The following CFAP47 variants were observed in gnomAD, a reference collection of about 807,000 sequenced individuals.
CFAP47 encodes the protein cilia and flagella associated protein 47.
Under a neutral mutation model 148.1 loss-of-function variants are expected in CFAP47, and 29 were observed. The observed-to-expected ratio is 0.20, with a 90% CI of 0.15 to 0.27. The LOEUF (loss-of-function observed/expected upper bound fraction) is 0.27, where lower values mean the gene tolerates loss of function less well. CFAP47 is among the 10% of genes least tolerant of loss of function. CFAP47 has a pLI of 1.00. For missense variants in CFAP47, 1,872 were observed against 1,697.5 expected, an observed-to-expected ratio of 1.10 and a Z score of -1.81; for synonymous variants, 664 against 577.3, an observed-to-expected ratio of 1.15 and a Z score of -2.15.
rs1569239441 is a variant in CFAP47 at position 36,038,989 on chromosome X, C to T, written c.3817C>T (p.Pro1273Ser). 3.7e-6 allele frequency: 4 copies of T among 1,070,492 alleles called. No homozygotes were observed. The East Asian group carries it at 1.4e-4, about 38-fold the overall frequency. 88.2% of individuals were successfully genotyped at this position (1,070,492 alleles called of 1,213,427 possible). Reference sequence around the variant, plus strand: ...TAAAATTTGTTTTTCATTAGATCGTCCTGGGACATACACAGCAGATATTCC... The same window carrying T: ...TAAAATTTGTTTTTCATTAGATCGTTCTGGGACATACACAGCAGATATTCC... ...NVSISFCPNR[P>S]GTYTADIPML... is the part of the protein sequence containing the mutation. The change falls in exon 25 of 64, where the codon CCT (proline) becomes TCT (serine). Residue 1273 changes from proline (P) to serine (S), a missense_variant. By Grantham distance (74) the Pro-to-Ser change is moderately conservative (BLOSUM62 -1). Coordinates refer to ENST00000378653, the MANE Select transcript of CFAP47 (RefSeq NM_001304548.2).
chrX:36,264,173 C>T (rs1940862841), intron 49 of CFAP47, among the ~76,000 whole-genome samples: 1 of 111,609 alleles, frequency 9.0e-6, no homozygotes, highest in South Asian at 3.8e-4. Flanking sequence ...CCTCTCCTTT[C>T]CTCAAGGGGA....
At chrX:36,139,314 T>C (rs1939100257) in intron 35 of CFAP47, among the ~76,000 whole-genome samples, 1 of 111,280 alleles carries the variant, frequency 9.0e-6, no homozygotes, top group Admixed American at 9.6e-5. Context: ...ATGAACAGAA[T>C]GTAGAGTTTG....
chrX:35,982,490 T>G (rs1011193608), intron 15 of CFAP47, among the ~76,000 whole-genome samples: 14 of 111,621 alleles, frequency 1.3e-4, no homozygotes, highest in Non-Finnish European at 2.3e-4. Flanking sequence ...AATTTTCATT[T>G]TTGTTGCAAT....
intron 15 of CFAP47, among the ~76,000 whole-genome samples, chrX:35,979,680 A>G (rs185769169): frequency 1.8e-5 from 2 of 112,119 alleles, no homozygotes; most frequent in Non-Finnish European, 3.8e-5. Flanking sequence ...GTTCAAAAGT[A>G]TCTCACAAGG....
chrX:36,179,779 C>G (rs1037863608), intron 40 of CFAP47, among the ~76,000 whole-genome samples: 2 of 110,643 alleles, frequency 1.8e-5, no homozygotes, highest in Non-Finnish European at 3.8e-5. Context: ...TCATGGAAGA[C>G]TCTATTTTCT....
intron 21 of CFAP47, among the ~76,000 whole-genome samples, chrX:36,002,689 T>C (rs1936930306): frequency 8.9e-6 from 1 of 111,887 alleles, no homozygotes; most frequent in South Asian, 3.7e-4. Context: ...AAGATTCTTA[T>C]GTCAAAACTT....
At position 36,285,830 on chromosome X, in the gene CFAP47, T is replaced by G. The variant is rs782152763; in HGVS notation, c.7686+104T>G. On this transcript the variant is annotated intron_variant, in intron 51 of 63. Transcript: ENST00000378653. ...TATCCCTTAAAAGGTCTGTATCAGA[T>G]GATTGTATTAAGATAAATTAGTCAA... 56 of 579,386 alleles carry G rather than the reference T, an allele frequency of 9.7e-5. 1 individual carries two copies. In the African/African-American group the frequency reaches 1.3e-3, roughly 13 times the overall value. The allele number at this position is 579,386 out of a possible 1,213,427, so 47.7% of individuals were successfully genotyped here.
intron 49 of CFAP47, among the ~76,000 whole-genome samples, chrX:36,260,044 T>C (rs12007597): frequency 3.9e-3 from 431 of 109,722 alleles, no homozygotes; most frequent in African/African-American, 0.014. Flanking sequence ...TGACACAATT[T>C]CATTCATTTT....
At chrX:36,380,380 C>T (rs1942066982) in intron 63 of CFAP47, among the ~76,000 whole-genome samples, 1 of 112,979 alleles carries the variant, frequency 8.9e-6, no homozygotes, top group Admixed American at 9.3e-5. Flanking sequence ...TCCTTACAAT[C>T]TAGGTAGTAA....
In CFAP47 at chrX:36,306,682, G is replaced by A. The variant is rs782167533; in HGVS notation, c.8083-90G>A. 10 of 445,694 alleles carry A rather than the reference G, an allele frequency of 2.2e-5. No homozygotes were observed. In the Admixed American group the frequency reaches 2.4e-4, roughly 11 times the overall value. The allele number at this position is 445,694 out of a possible 1,213,427, so 36.7% of individuals were successfully genotyped here. A position where few individuals can be genotyped will look rare whatever the true frequency, so the allele number is the denominator to read the frequency against. ...ACAACACATTAATCACACAAACATC[G>A]ACCCTGCATATAGCTAGTACACAAA... is the stretch of plus-strand genomic sequence containing the variant. On this transcript the variant is annotated intron_variant, in intron 54 of 63. Coordinates refer to ENST00000378653, the MANE Select transcript of CFAP47 (RefSeq NM_001304548.2).
chrX:36,142,461 G>T (rs1227378357), intron 35 of CFAP47, among the ~76,000 whole-genome samples: 1 of 111,226 alleles, frequency 9.0e-6, no homozygotes, highest in Non-Finnish European at 1.9e-5. Context: ...GTTATTTTTG[G>T]TTAGATCTAT....
At chrX:36,051,675 T>C (rs546409501) in intron 26 of CFAP47, among the ~76,000 whole-genome samples, 91 of 111,669 alleles carry the variant, frequency 8.1e-4, no homozygotes, top group African/African-American at 2.9e-3. Context: ...TGTGGAATTT[T>C]GAGTTAATGC....
intron 27 of CFAP47, among the ~76,000 whole-genome samples, chrX:36,068,662 A>AT (rs1206004644): frequency 0.018 from 1,908 of 105,001 alleles, 23 homozygotes; most frequent in Middle Eastern, 0.03. Flanking sequence ...AAATGTAAAG[A>AT]TTTTTTTTTT....
chrX:36,025,521 G>A (rs1316637296), intron 22 of CFAP47, among the ~76,000 whole-genome samples: 1 of 110,723 alleles, frequency 9.0e-6, no homozygotes, highest in Non-Finnish European at 1.9e-5. Context: ...CATATCTGTA[G>A]ACCCAGCTAC....
At position 36,251,473 on chromosome X, in the gene CFAP47, C is replaced by A. The variant is rs782581547; in HGVS notation, c.7444+29C>A. 3 of 463,384 alleles carry A rather than the reference C, an allele frequency of 6.5e-6. No homozygotes were observed. The South Asian group carries it at 9.7e-5, about 15-fold the overall frequency. The allele number at this position is 463,384 out of a possible 1,213,427, so 38.2% of individuals were successfully genotyped here. A position where few individuals can be genotyped will look rare whatever the true frequency, so the allele number is the denominator to read the frequency against. On this transcript the variant is annotated intron_variant, in intron 49 of 63. Coordinates refer to ENST00000378653, the MANE Select transcript of CFAP47 (RefSeq NM_001304548.2). ...TAAAATCCATTAATAAAATATTAGTCATTTTCCTACTACGCTAAGATGGAA... is the reference window on the plus strand; with the variant it reads ...TAAAATCCATTAATAAAATATTAGTAATTTTCCTACTACGCTAAGATGGAA...
intron 33 of CFAP47, among the ~76,000 whole-genome samples, chrX:36,116,878 A>C (rs1196751867): frequency 9.1e-6 from 1 of 110,431 alleles, no homozygotes; most frequent in African/African-American, 3.3e-5. Flanking sequence ...ACCCATTAAC[A>C]CTCCCCACTT....
chrX:36,002,813 T>A (rs1936931874), intron 21 of CFAP47, among the ~76,000 whole-genome samples: 1 of 111,724 alleles, frequency 9.0e-6, no homozygotes, highest in South Asian at 3.7e-4. Flanking sequence ...AAATGCTATC[T>A]TTAATAATCT....
chrX:36,352,841 T>TTA (rs1171966592), intron 59 of CFAP47, among the ~76,000 whole-genome samples: 4 of 108,986 alleles, frequency 3.7e-5, no homozygotes, highest in Admixed American at 9.9e-5. Flanking sequence ...TGAAATATAT[T>TTA]TATATATATA....
intron 22 of CFAP47, among the ~76,000 whole-genome samples, chrX:36,023,186 C>G (rs1312608737): frequency 8.9e-6 from 1 of 112,351 alleles, no homozygotes. Flanking sequence ...ACCCCAAGCC[C>G]AATAACACTG....
Sources: allele counts gnomAD v4.1 joint callset (sites outside exome capture counted in the v4.1 genomes callset), GRCh38; gene constraint gnomAD v4.1.1; transcripts MANE v1.5; gene names NCBI Gene and HGNC (gene_info 2026-07-23, HGNC 2026-07-21).